The following NCOA2 variants were observed in gnomAD, a reference collection of about 807,000 sequenced individuals.
The protein encoded by NCOA2 is nuclear receptor coactivator 2.
In NCOA2, 21 loss-of-function variants were observed where a neutral mutation model predicts 145.1. The ratio of observed to expected loss-of-function variants is 0.14; its 90% confidence interval spans 0.10 to 0.21. NCOA2 has a LOEUF of 0.21. NCOA2 is among the 10% of genes least tolerant of loss of function. The pLI is 1.00. For synonymous variants in NCOA2, 619 were observed against 637.5 expected (o/e 0.97, Z 0.44); for missense variants, 1,472 against 1,837.6 (o/e 0.80, Z 3.64).
At chr8:70,316,741 C>A (rs528250649) in intron 1 of NCOA2, among the ~76,000 whole-genome samples, 1 of 152,238 alleles carries the variant, frequency 6.6e-6, no homozygotes, top group Non-Finnish European at 1.5e-5. Context: ...GTGCTTTAAC[C>A]CTTACCAGAA....
At chr8:70,395,617 TAA>T (rs1813589985) in intron 1 of NCOA2, among the ~76,000 whole-genome samples, 1 of 152,218 alleles carries the variant, frequency 6.6e-6, no homozygotes, top group Non-Finnish European at 1.5e-5. Context: ...AATTTTAAGA[TAA>T]GTTAATATTA....
At chr8:70,361,649 A>G (rs1233987882) in intron 1 of NCOA2, among the ~76,000 whole-genome samples, 1 of 152,238 alleles carries the variant, frequency 6.6e-6, no homozygotes, top group East Asian at 1.9e-4. Flanking sequence ...TGTTGTCTTC[A>G]GCTTTCCCTA....
At chr8:70,328,665 T>C (rs1806806533) in intron 1 of NCOA2, among the ~76,000 whole-genome samples, 1 of 152,212 alleles carries the variant, frequency 6.6e-6, no homozygotes, top group Non-Finnish European at 1.5e-5. Flanking sequence ...ACACACCTAT[T>C]CATCTGTACA....
At chr8:70,279,118 G>A (rs964470666) in intron 2 of NCOA2, among the ~76,000 whole-genome samples, 2 of 152,044 alleles carry the variant, frequency 1.3e-5, no homozygotes, top group Admixed American at 1.3e-4. Flanking sequence ...CTGACCTCTC[G>A]CTATTTCTGC....
intron 2 of NCOA2, among the ~76,000 whole-genome samples, chr8:70,224,746 C>T (rs1487948597): frequency 6.6e-6 from 1 of 151,118 alleles, no homozygotes; most frequent in Non-Finnish European, 1.5e-5. Context: ...CAAACTCACA[C>T]TTGATACGTT....
chr8:70,262,600 T>C (rs1178081637), intron 2 of NCOA2, among the ~76,000 whole-genome samples: 1 of 151,970 alleles, frequency 6.6e-6, no homozygotes, highest in Non-Finnish European at 1.5e-5. Flanking sequence ...TCTCAACAAG[T>C]GGAATACCAA....
chr8:70,357,155 T>C (rs549314292), intron 1 of NCOA2, among the ~76,000 whole-genome samples: 51 of 152,296 alleles, frequency 3.3e-4, no homozygotes, highest in Admixed American at 2.4e-3. Flanking sequence ...TCAAAATTTA[T>C]TTGAAATGCC....
intron 22 of NCOA2, among the ~76,000 whole-genome samples, chr8:70,114,958 C>T (rs1806922399): frequency 6.6e-6 from 1 of 152,178 alleles, no homozygotes; most frequent in Admixed American, 6.5e-5. Context: ...GCTTAGAATA[C>T]CTGTGATTTT....
At chr8:70,341,757 A>C (rs1808163276) in intron 1 of NCOA2, among the ~76,000 whole-genome samples, 1 of 152,228 alleles carries the variant, frequency 6.6e-6, no homozygotes, top group African/African-American at 2.4e-5. Context: ...TATAACGGAT[A>C]AGCTATATAA....
At chr8:70,117,828 T>C (rs1563472429) in intron 22 of NCOA2, among the ~76,000 whole-genome samples, 1 of 152,342 alleles carries the variant, frequency 6.6e-6, no homozygotes, top group East Asian at 1.9e-4. Context: ...ACAAAACTTT[T>C]AATAGAGAAT....
intron 2 of NCOA2, among the ~76,000 whole-genome samples, chr8:70,268,413 CAACA>C (rs1824783489): frequency 2.0e-5 from 3 of 152,150 alleles, no homozygotes; most frequent in African/African-American, 7.2e-5. Flanking sequence ...CATGACATGG[CAACA>C]AACAGAAATT....
At chr8:70,137,397 A>T (rs1305142301) in intron 15 of NCOA2, among the ~76,000 whole-genome samples, 1 of 152,210 alleles carries the variant, frequency 6.6e-6, no homozygotes, top group Non-Finnish European at 1.5e-5. Flanking sequence ...AAAAATCCTA[A>T]TTTTGGGTCT....
At chr8:70,319,793 C>G (rs754667632) in intron 1 of NCOA2, among the ~76,000 whole-genome samples, 2 of 152,076 alleles carry the variant, frequency 1.3e-5, no homozygotes, top group Non-Finnish European at 2.9e-5. Flanking sequence ...TTGTTATCTC[C>G]TAGATATTTA....
chr8:70,196,868 C>A (rs1327827842), intron 4 of NCOA2, among the ~76,000 whole-genome samples: 2 of 152,198 alleles, frequency 1.3e-5, no homozygotes, highest in East Asian at 1.9e-4. Context: ...AATAACCAGA[C>A]TGCGCTTTGG....
At chr8:70,182,979 G>A (rs1406783188) in intron 4 of NCOA2, among the ~76,000 whole-genome samples, 4 of 152,114 alleles carry the variant, frequency 2.6e-5, no homozygotes, top group Admixed American at 2.6e-4. Context: ...ATTTATTATG[G>A]CAGCATTCAT....
intron 1 of NCOA2, among the ~76,000 whole-genome samples, chr8:70,356,873 A>C (rs183407415): frequency 6.6e-6 from 1 of 152,252 alleles, no homozygotes; most frequent in Non-Finnish European, 1.5e-5. Flanking sequence ...TTGTTTTTAC[A>C]TAACAGGGAA....
At chr8:70,366,588 T>C (rs1402554001) in intron 1 of NCOA2, among the ~76,000 whole-genome samples, 1 of 151,666 alleles carries the variant, frequency 6.6e-6, no homozygotes, top group African/African-American at 2.4e-5. Context: ...ACAAATTATA[T>C]TTTTTGATAT....
intron 1 of NCOA2, among the ~76,000 whole-genome samples, chr8:70,371,946 T>C (rs1193480740): frequency 6.6e-6 from 1 of 152,174 alleles, no homozygotes; most frequent in Non-Finnish European, 1.5e-5. Flanking sequence ...CTCATTAGTT[T>C]AAAAACTAAC....
At chr8:70,451,400 CAAAAAAAAAAAA>C in the NCOA2 span, among the ~76,000 whole-genome samples, 3 of 67,512 alleles carry the variant, frequency 4.4e-5, no homozygotes, top group African/African-American at 1.2e-4. Flanking sequence ...AGAGTGAGAC[CAAAAAAAAAAAA>C]AAAAAAAAAG....
Sources: gnomAD v4.1 joint callset for allele counts (sites outside exome capture counted in the v4.1 genomes callset) on GRCh38, gnomAD v4.1.1 for gene constraint, MANE v1.5 for transcripts, NCBI Gene and HGNC (gene_info 2026-07-23, HGNC 2026-07-21) for gene names.